MDGA2: variants seen among roughly 807,000 people sequenced by gnomAD.
MDGA2 encodes the protein MAM domain containing glycosylphosphatidylinositol anchor 2.
Under a neutral mutation model 117.8 loss-of-function variants are expected in MDGA2, and 40 were observed. The observed-to-expected ratio is 0.34, with a 90% confidence interval of 0.26 to 0.44. MDGA2 has a LOEUF of 0.44. Among genes scored for constraint, MDGA2 ranks in the 20% least tolerant of loss-of-function variants. The pLI is 1.00. For synonymous variants in MDGA2, 452 were observed against 439.0 expected, an observed-to-expected ratio of 1.03 and a Z score of -0.37; for missense variants, 1,123 against 1,250.6, an observed-to-expected ratio of 0.90 and a Z score of 1.54.
At chr14:47,126,468 A>T (rs1228532151) in intron 5 of MDGA2, among the ~76,000 whole-genome samples, 6 of 152,110 alleles carry the variant, frequency 3.9e-5, no homozygotes, top group Non-Finnish European at 8.8e-5. Context: ...AGCATGCCAA[A>T]CAAGAAATGG....
rs1885602488 is a variant in MDGA2 at position 46,957,380 on chromosome 14, C to T, written c.2083G>A (p.Val695Ile). Residue 695 changes from valine (V) to isoleucine (I), a missense_variant, in exon 9 of 17, where the codon GTT becomes ATT. Transcript: ENST00000399232. Reference sequence around the variant, plus strand: ...AAAATATCTGGAATCCTACCTGTAACAAGAAAGCTGCATCTCCCAGCTCCA... The same window carrying T: ...AAAATATCTGGAATCCTACCTGTAATAAGAAAGCTGCATCTCCCAGCTCCA... ...EAGAGRCSFL[V>I]TGKAYAPEFY... 8.1e-6 allele frequency: 13 copies of T among 1,612,666 alleles called. No homozygotes were observed. Among genetic ancestry groups the T allele is most frequent in the Non-Finnish European group, 1.1e-5 (13 of 1,179,148 alleles).
intron 8 of MDGA2, among the ~76,000 whole-genome samples, chr14:46,993,962 A>T (rs1366838455): frequency 1.3e-5 from 2 of 152,144 alleles, no homozygotes; most frequent in African/African-American, 4.8e-5. Context: ...CAACAATCTT[A>T]GGTTGTAGCA....
intron 8 of MDGA2, among the ~76,000 whole-genome samples, chr14:46,987,657 A>G (rs551569318): frequency 6.6e-6 from 1 of 152,206 alleles, no homozygotes; most frequent in African/African-American, 2.4e-5. Flanking sequence ...GCTCCTAAAT[A>G]TGCATAAGAC....
At chr14:47,548,604 C>G (rs1343304408) in intron 1 of MDGA2, among the ~76,000 whole-genome samples, 1 of 152,090 alleles carries the variant, frequency 6.6e-6, no homozygotes, top group Non-Finnish European at 1.5e-5. Context: ...TAGGAGCTCT[C>G]TGTGTGTATT....
At chr14:47,455,137 A>AAC (rs1257035254) in intron 1 of MDGA2, among the ~76,000 whole-genome samples, 1 of 152,244 alleles carries the variant, frequency 6.6e-6, no homozygotes, top group Admixed American at 6.5e-5. Context: ...AGCAACTTGT[A>AAC]ACATTTCTGT....
intron 5 of MDGA2, among the ~76,000 whole-genome samples, chr14:47,127,014 C>T (rs1314275606): frequency 6.6e-6 from 1 of 152,010 alleles, no homozygotes; most frequent in Non-Finnish European, 1.5e-5. Flanking sequence ...ATTGATTAGC[C>T]AATTATTTGA....
intron 15 of MDGA2, among the ~76,000 whole-genome samples, chr14:46,850,809 T>G (rs1373333320): frequency 1.3e-5 from 2 of 151,850 alleles, no homozygotes; most frequent in Non-Finnish European, 2.9e-5. Context: ...TCAACATTTC[T>G]AATATTAAAT....
intron 8 of MDGA2, among the ~76,000 whole-genome samples, chr14:46,988,114 A>G (rs941134934): frequency 1.3e-5 from 2 of 151,992 alleles, no homozygotes; most frequent in African/African-American, 4.8e-5. Flanking sequence ...GGTACTAGCT[A>G]GCAGTGCCAT....
intron 14 of MDGA2, among the ~76,000 whole-genome samples, chr14:46,861,537 G>T (rs1204847696): frequency 6.6e-6 from 1 of 151,778 alleles, no homozygotes; most frequent in Non-Finnish European, 1.5e-5. Context: ...TATCCCAGAG[G>T]TCTTATTAGG....
Position 46,923,355 on chromosome 14 carries a change from CATATT to C in MDGA2, c.2090-3200_2090-3196del, listed in dbSNP as rs774223025. Among the ~76,000 whole-genome samples the C allele has an allele frequency of 1.6e-3, 250 of 151,978 alleles. 1 individual carries two copies. Among genetic ancestry groups the C allele is most frequent in the Non-Finnish European group, 1.6e-3 (107 of 67,952 alleles). On this transcript the variant is annotated intron_variant, in intron 9 of 16. Transcript: ENST00000399232. ...TACTTTAGAGATTATTTCAATATCT[CATATT>C]ATAGATAAATAAATGAAGGTGCAGA...
At chr14:47,288,789 A>G (rs1888775710) in intron 2 of MDGA2, among the ~76,000 whole-genome samples, 1 of 151,574 alleles carries the variant, frequency 6.6e-6, no homozygotes, top group African/African-American at 2.4e-5. Flanking sequence ...ATCATTCTTA[A>G]TAACTGTTTT....
At chr14:47,053,710 A>G (rs1889558193) in intron 7 of MDGA2, among the ~76,000 whole-genome samples, 1 of 149,118 alleles carries the variant, frequency 6.7e-6, no homozygotes, top group African/African-American at 2.5e-5. Flanking sequence ...TGAGAATCAG[A>G]ATCCTTTGTC....
At chr14:47,434,269 C>T (rs1418470144) in intron 1 of MDGA2, among the ~76,000 whole-genome samples, 1 of 152,066 alleles carries the variant, frequency 6.6e-6, no homozygotes, top group Non-Finnish European at 1.5e-5. Flanking sequence ...TACAGACCCC[C>T]TTGAAAAAGT....
At chr14:47,429,727 C>T (rs1041429402) in intron 1 of MDGA2, among the ~76,000 whole-genome samples, 2 of 151,528 alleles carry the variant, frequency 1.3e-5, no homozygotes, top group Admixed American at 6.6e-5. Context: ...CCTCAAAGTC[C>T]GAGGCACCAT....
At chr14:47,163,018 T>C (rs1003005941) in intron 3 of MDGA2, among the ~76,000 whole-genome samples, 2 of 152,214 alleles carry the variant, frequency 1.3e-5, no homozygotes, top group African/African-American at 4.8e-5. Context: ...TGGGTATATG[T>C]TCCATTTAAT....
At chr14:46,968,984 T>C (rs1276925393) in intron 8 of MDGA2, among the ~76,000 whole-genome samples, 3 of 152,048 alleles carry the variant, frequency 2.0e-5, no homozygotes, top group African/African-American at 7.2e-5. Context: ...CCACTTGCAA[T>C]AGCTAGAAAA....
intron 1 of MDGA2, among the ~76,000 whole-genome samples, chr14:47,487,822 C>T (rs1294639912): frequency 1.3e-5 from 2 of 151,990 alleles, no homozygotes; most frequent in African/African-American, 4.8e-5. Context: ...TATTCCTTTT[C>T]TTAGTCTTGG....
chr14:47,466,422 G>C (rs952174562), intron 1 of MDGA2, among the ~76,000 whole-genome samples: 1 of 152,138 alleles, frequency 6.6e-6, no homozygotes, highest in Admixed American at 6.6e-5. Context: ...AAACCGAATT[G>C]ACAGATGGAG....
intron 9 of MDGA2, among the ~76,000 whole-genome samples, chr14:46,936,767 T>C (rs933948772): frequency 6.6e-6 from 1 of 151,508 alleles, no homozygotes; most frequent in African/African-American, 2.4e-5. Flanking sequence ...AAATTAGGTA[T>C]AGAAGGCCCA....
Sources: gnomAD v4.1 joint callset for allele counts (sites outside exome capture counted in the v4.1 genomes callset) on GRCh38, gnomAD v4.1.1 for gene constraint, MANE v1.5 for transcripts, NCBI Gene and HGNC (gene_info 2026-07-23, HGNC 2026-07-21) for gene names.